Variants in GRIK2 observed in about 807,000 individuals in gnomAD.
GRIK2 encodes the protein glutamate ionotropic receptor kainate type subunit 2, also known as glutamate receptor ionotropic, kainate 2.
A neutral mutation model predicts 100.3 loss-of-function variants in GRIK2; 32 were observed. The observed-to-expected ratio is 0.32, with a 90% CI of 0.24 to 0.43. GRIK2 has a LOEUF of 0.43. GRIK2 is among the 20% of genes least tolerant of loss of function. The pLI is 1.00. For synonymous variants in GRIK2, 417 were observed against 389.4 expected (o/e 1.07, Z -0.83); for missense variants, 843 against 1,114.9 (o/e 0.76, Z 3.47).
chr6:101,805,952 A>T (rs1489916239), intron 9 of GRIK2, among the ~76,000 whole-genome samples: 1 of 152,000 alleles, frequency 6.6e-6, no homozygotes, highest in Non-Finnish European at 1.5e-5. Context: ...GGAGATGGGC[A>T]TCCTTTCTAC....
chr6:101,878,791 T>A (rs545130716), intron 11 of GRIK2, among the ~76,000 whole-genome samples: 2 of 152,144 alleles, frequency 1.3e-5, no homozygotes, highest in African/African-American at 4.8e-5. Context: ...AAACTGCTCA[T>A]TCCGTAGCTC....
intron 2 of GRIK2, among the ~76,000 whole-genome samples, chr6:101,614,556 A>G (rs1013427719): frequency 2.0e-5 from 3 of 151,658 alleles, no homozygotes; most frequent in Admixed American, 1.3e-4. Flanking sequence ...TAATAGCCAA[A>G]GGCCAATGTA....
At chr6:101,767,951 C>T (rs572278416) in intron 7 of GRIK2, among the ~76,000 whole-genome samples, 20 of 152,148 alleles carry the variant, frequency 1.3e-4, no homozygotes, top group African/African-American at 4.3e-4. Context: ...TTGTACCACA[C>T]AGGCTCAAGT....
At chr6:101,956,014 T>C (rs1310713) in intron 14 of GRIK2, among the ~76,000 whole-genome samples, 4,229 of 152,194 alleles carry the variant, frequency 0.028, 219 homozygotes, top group African/African-American at 0.097. Context: ...TTTTTCTTTT[T>C]AAATATAATC....
chr6:101,923,902 G>A (rs182855417), intron 12 of GRIK2, among the ~76,000 whole-genome samples: 23 of 148,862 alleles, frequency 1.5e-4, no homozygotes, highest in African/African-American at 5.0e-4. Flanking sequence ...TCCAGCCTGG[G>A]GGACAAAGGG....
intron 14 of GRIK2, among the ~76,000 whole-genome samples, chr6:101,933,976 C>T (rs1387525673): frequency 6.6e-6 from 1 of 151,650 alleles, no homozygotes; most frequent in African/African-American, 2.4e-5. Context: ...TTTTCTCTTT[C>T]TTTCTTGTTT....
At chr6:101,783,559 G>C (rs1250902910) in intron 7 of GRIK2, among the ~76,000 whole-genome samples, 1 of 152,208 alleles carries the variant, frequency 6.6e-6, no homozygotes, top group Non-Finnish European at 1.5e-5. Flanking sequence ...AAATGTGAAA[G>C]TGACTTTGGA....
chr6:101,972,742 A>G (rs1231584024), intron 14 of GRIK2, among the ~76,000 whole-genome samples: 1 of 151,702 alleles, frequency 6.6e-6, no homozygotes, highest in African/African-American at 2.4e-5. Context: ...AGGTAGGAGT[A>G]TGGTTTTATT....
chr6:101,807,416 C>T (rs907575877), intron 9 of GRIK2, among the ~76,000 whole-genome samples: 2 of 151,694 alleles, frequency 1.3e-5, no homozygotes, highest in Non-Finnish European at 2.9e-5. Context: ...CTTTTTTGTC[C>T]TTACAAGTTA....
chr6:101,486,442 T>G (rs1170733946), intron 2 of GRIK2, among the ~76,000 whole-genome samples: 2 of 152,074 alleles, frequency 1.3e-5, no homozygotes, highest in East Asian at 3.9e-4. Flanking sequence ...TTAAGGGGTT[T>G]TCCTTCTGAG....
At chr6:101,896,836 A>T (rs1255479756) in intron 12 of GRIK2, among the ~76,000 whole-genome samples, 3 of 151,774 alleles carry the variant, frequency 2.0e-5, no homozygotes, top group African/African-American at 7.2e-5. Context: ...AGCTCAGTAA[A>T]TCACAAAATT....
chr6:101,785,166 T>A (rs746942254), intron 7 of GRIK2, among the ~76,000 whole-genome samples: 4 of 152,224 alleles, frequency 2.6e-5, no homozygotes, highest in Non-Finnish European at 5.9e-5. Flanking sequence ...TTATTTTTTT[T>A]ACTGTTGAGT....
intron 2 of GRIK2, among the ~76,000 whole-genome samples, chr6:101,477,292 T>A (rs534793160): frequency 2.3e-4 from 35 of 151,846 alleles, no homozygotes; most frequent in Non-Finnish European, 4.1e-4. Context: ...GGAAAAGGGG[T>A]TAGTATGTTG....
intron 12 of GRIK2, among the ~76,000 whole-genome samples, chr6:101,904,808 A>T (rs1172317898): frequency 6.6e-6 from 1 of 151,646 alleles, no homozygotes; most frequent in East Asian, 1.9e-4. Context: ...TTTTGTGTTT[A>T]TTGCAAGAAT....
At chr6:102,055,047 C>A (rs2114503701) in intron 15 of GRIK2, among the ~76,000 whole-genome samples, 1 of 152,240 alleles carries the variant, frequency 6.6e-6, no homozygotes, top group South Asian at 2.1e-4. Flanking sequence ...TTTGTGGATT[C>A]TTTCTTACTG....
chr6:101,920,275 C>T lies in GRIK2; in HGVS notation c.1749-4326C>T, dbSNP rs1243581447. 2.0e-4 allele frequency among the ~76,000 whole-genome samples: 30 copies of T among 151,792 alleles called. 1 individual carries two copies. ...AGTGGACATTTATTTCTCTCTCATCCCCAATCGAGAGAACAGTCCAGCTCT... is the reference window on the plus strand; with the variant it reads ...AGTGGACATTTATTTCTCTCTCATCTCCAATCGAGAGAACAGTCCAGCTCT... On this transcript the variant is annotated intron_variant, in intron 12 of 16. Coordinates refer to ENST00000369134, the MANE Select transcript of GRIK2 (RefSeq NM_021956.5).
chr6:101,979,851 C>T (rs1411460282), intron 14 of GRIK2, among the ~76,000 whole-genome samples: 3 of 151,954 alleles, frequency 2.0e-5, no homozygotes, highest in East Asian at 1.9e-4. Context: ...GGTGCAGCAG[C>T]GAGCGCTTAG....
intron 2 of GRIK2, among the ~76,000 whole-genome samples, chr6:101,461,060 C>G (rs1284498361): frequency 6.6e-6 from 1 of 152,102 alleles, no homozygotes; most frequent in Admixed American, 6.6e-5. Flanking sequence ...AGTGATAATT[C>G]TTTTAATATT....
rs187770295 is a variant in GRIK2, at chr6:101,500,750, A to G, written c.115+101358A>G. Among the ~76,000 whole-genome samples the G allele has an allele frequency of 4.5e-4, 68 of 152,192 alleles. 1 individual carries two copies. Among genetic ancestry groups the G allele is most frequent in the Middle Eastern group, 3.4e-3 (1 of 294 alleles). ...CCTTCAAAGACTTGTATTTATGTTT[A>G]TTGACTTCATGTTATTAATATTTCA... is the stretch of plus-strand genomic sequence containing the variant. On this transcript the variant is annotated intron_variant, in intron 2 of 16. Transcript: ENST00000369134.
Sources: gnomAD v4.1 joint callset for allele counts (sites outside exome capture counted in the v4.1 genomes callset) on GRCh38, gnomAD v4.1.1 for gene constraint, MANE v1.5 for transcripts, NCBI Gene and HGNC (gene_info 2026-07-23, HGNC 2026-07-21) for gene names.